EVA1C: variants seen among roughly 807,000 people sequenced by gnomAD.
EVA1C encodes the protein eva-1 homolog C, also known as protein eva-1 homolog C.
Under a neutral mutation model 45.4 loss-of-function variants are expected in EVA1C, and 25 were observed. The observed-to-expected ratio is 0.55, with a 90% CI of 0.40 to 0.77. The LOEUF is 0.77. Among genes scored for constraint, EVA1C ranks in the 30% least tolerant of loss-of-function variants. EVA1C has a pLI of 0.00. For synonymous variants in EVA1C, 190 were observed against 221.2 expected, an observed-to-expected ratio of 0.86 and a Z score of 1.25; for missense variants, 479 against 554.8, an observed-to-expected ratio of 0.86 and a Z score of 1.37.
intron 4 of EVA1C, among the ~76,000 whole-genome samples, chr21:32,486,853 A>G (rs1254532629): frequency 6.6e-6 from 1 of 152,212 alleles, no homozygotes; most frequent in Non-Finnish European, 1.5e-5. Context: ...AATGCTATGT[A>G]GAGATTTGTA....
At chr21:32,502,854 T>C (rs757001601) in intron 6 of EVA1C, among the ~76,000 whole-genome samples, 4 of 152,114 alleles carry the variant, frequency 2.6e-5, no homozygotes, top group African/African-American at 4.8e-5. Flanking sequence ...GGTCTCAAAC[T>C]CCTGGGCTCA....
At chr21:32,510,995 G>T (rs1039442358) in intron 7 of EVA1C, among the ~76,000 whole-genome samples, 1 of 152,136 alleles carries the variant, frequency 6.6e-6, no homozygotes, top group Non-Finnish European at 1.5e-5. Flanking sequence ...GGCTATGATT[G>T]TGCCACTGCA....
intron 4 of EVA1C, chr21:32,473,926 C>T: frequency 1.0e-6 from 1 of 985,374 alleles, no homozygotes; most frequent in African/African-American, 1.7e-5. Flanking sequence ...CTTTTTGTGC[C>T]ACGGAGCACA....
intron 1 of EVA1C, among the ~76,000 whole-genome samples, chr21:32,422,667 GAAAC>G (rs778398225): frequency 1.9e-3 from 283 of 152,198 alleles, no homozygotes; most frequent in Admixed American, 2.9e-3. Flanking sequence ...CAGGTTCTGA[GAAAC>G]AAACAAACAA....
At chr21:32,445,689 C>T (rs1489414926) in intron 1 of EVA1C, among the ~76,000 whole-genome samples, 1 of 152,184 alleles carries the variant, frequency 6.6e-6, no homozygotes, top group East Asian at 1.9e-4. Context: ...CAGAGGAGAG[C>T]TCCTGCCACT....
At chr21:32,493,188 T>C (rs961267493) in intron 4 of EVA1C, among the ~76,000 whole-genome samples, 24 of 152,158 alleles carry the variant, frequency 1.6e-4, no homozygotes, top group African/African-American at 5.6e-4. Context: ...TCTAAAATTC[T>C]CTCCTCTTCC....
intron 1 of EVA1C, among the ~76,000 whole-genome samples, chr21:32,449,805 T>G (rs2035511760): frequency 1.3e-5 from 2 of 152,032 alleles, no homozygotes; most frequent in South Asian, 2.1e-4. Flanking sequence ...GCATTTTTAG[T>G]AGAGACGGAA....
intron 5 of EVA1C, among the ~76,000 whole-genome samples, chr21:32,496,433 T>C (rs1304193028): frequency 6.6e-6 from 1 of 152,236 alleles, no homozygotes; most frequent in Admixed American, 6.5e-5. Flanking sequence ...GCAATAGATA[T>C]GATGAAGTGA....
chr21:32,507,461 T>G (rs2037760879), intron 7 of EVA1C, among the ~76,000 whole-genome samples: 1 of 151,644 alleles, frequency 6.6e-6, no homozygotes, highest in South Asian at 2.1e-4. Context: ...CGTGTGCGTG[T>G]GTGCATGTGT....
intron 1 of EVA1C, among the ~76,000 whole-genome samples, chr21:32,436,044 TTTTGTTTG>T (rs887191693): frequency 3.3e-5 from 5 of 152,006 alleles, no homozygotes; most frequent in African/African-American, 7.2e-5. Flanking sequence ...TTCAGCTGTT[TTTTGTTTG>T]TTTGTTTGTT....
At chr21:32,417,004 C>G (rs1387665908) in intron 1 of EVA1C, among the ~76,000 whole-genome samples, 1 of 152,150 alleles carries the variant, frequency 6.6e-6, no homozygotes, top group Non-Finnish European at 1.5e-5. Context: ...TGCCCAGGCC[C>G]GAGTGCAGTG....
chr21:32,454,317 G>C (rs1276128163), intron 2 of EVA1C, among the ~76,000 whole-genome samples: 1 of 152,192 alleles, frequency 6.6e-6, no homozygotes, highest in East Asian at 1.9e-4. Context: ...TTCAGTTGTA[G>C]ATAATCATGT....
At position 32,440,081 on chromosome 21, in the gene EVA1C, C is replaced by T. The variant is rs1370807209; in HGVS notation, c.161-13231C>T. Among the ~76,000 whole-genome samples, 4 of 152,134 alleles carry T rather than the reference C, an allele frequency of 2.6e-5. 1 individual carries two copies. The highest frequency in any genetic ancestry group is 2.1e-4 in the South Asian group (1 of 4,828). On this transcript the variant is annotated intron_variant, in intron 1 of 7. Transcript: ENST00000300255. ...CCCTTCCACCCTCCTGTCTGTTTGT[C>T]GAGCTCTGTTGGTCCTTCCGATTGG...
At chr21:32,439,619 A>T (rs1420311601) in intron 1 of EVA1C, among the ~76,000 whole-genome samples, 1 of 152,088 alleles carries the variant, frequency 6.6e-6, no homozygotes, top group Non-Finnish European at 1.5e-5. Flanking sequence ...GCTGGAATAG[A>T]TACAGCTGGT....
chr21:32,457,711 T>C lies in EVA1C; in HGVS notation c.472T>C (p.Cys158Arg). ...SSKYLLVSFK[C>R]QPNELKNKTV... is the part of the protein sequence containing the mutation. ...TAAATACCTCCTGGTCTCCTTTAAA[T>C]GCCAACCTAGTAAGTAACTTCGGAG... Residue 158 changes from cysteine (C) to arginine (R), a missense_variant, in exon 3 of 8, where the codon TGC (cysteine) becomes CGC (arginine). Coordinates refer to ENST00000300255, the MANE Select transcript of EVA1C (RefSeq NM_058187.5). 2.5e-6 allele frequency: 4 copies of C among 1,614,182 alleles called. No homozygotes were observed. Among genetic ancestry groups the C allele is most frequent in the Non-Finnish European group, 3.4e-6 (4 of 1,180,032 alleles).
chr21:32,464,836 G>T (rs2036119501), intron 3 of EVA1C, among the ~76,000 whole-genome samples: 1 of 152,088 alleles, frequency 6.6e-6, no homozygotes, highest in Admixed American at 6.6e-5. Flanking sequence ...AAACAAAAAG[G>T]TGACATTTAT....
chr21:32,438,008 T>G (rs1260527879), intron 1 of EVA1C, among the ~76,000 whole-genome samples: 1 of 152,182 alleles, frequency 6.6e-6, no homozygotes, highest in Non-Finnish European at 1.5e-5. Flanking sequence ...TCTGCGTCTA[T>G]CAAGGAGGAG....
At chr21:32,438,764 G>A (rs1241095859) in intron 1 of EVA1C, among the ~76,000 whole-genome samples, 6 of 152,126 alleles carry the variant, frequency 3.9e-5, no homozygotes, top group Non-Finnish European at 8.8e-5. Flanking sequence ...TGAACTGGAG[G>A]TCAGATTTTC....
intron 5 of EVA1C, chr21:32,497,386 A>T: frequency 2.7e-6 from 1 of 371,244 alleles, no homozygotes; most frequent in Non-Finnish European, 5.0e-6. Context: ...TTTTCAGGTG[A>T]ACTTCTCCCC....
Sources: gnomAD v4.1 joint callset for allele counts (sites outside exome capture counted in the v4.1 genomes callset) on GRCh38, gnomAD v4.1.1 for gene constraint, MANE v1.5 for transcripts, NCBI Gene and HGNC (gene_info 2026-07-23, HGNC 2026-07-21) for gene names.